The following PRKG1 variants were observed in gnomAD, a reference collection of about 807,000 sequenced individuals.
The protein encoded by PRKG1 is protein kinase cGMP-dependent 1.
Under a neutral mutation model 88.1 loss-of-function variants are expected in PRKG1, and 35 were observed. The ratio of observed to expected loss-of-function variants is 0.40; its 90% CI spans 0.30 to 0.53. The LOEUF is 0.53. PRKG1 is among the 20% of genes least tolerant of loss of function. The probability of loss-of-function intolerance (pLI) is 0.59; values close to 1 mark genes in which losing one functional copy is unlikely to be tolerated. For synonymous variants in PRKG1, 303 were observed against 292.5 expected, an observed-to-expected ratio of 1.04 and a Z score of -0.37; for missense variants, 540 against 839.8, an observed-to-expected ratio of 0.64 and a Z score of 4.41.
rs867882746 is a variant in PRKG1, at chr10:51,126,124, T to A, written c.312-27040T>A. On this transcript the variant is annotated intron_variant, in intron 1 of 17. Transcript: ENST00000373980. ...TACTATATATAATTATATAATTATA[T>A]TTAATTTTATAATTATATATATTAT... Among the ~76,000 whole-genome samples, 169 of 120,150 alleles carry A rather than the reference T, an allele frequency of 1.4e-3. 1 individual carries two copies. Among genetic ancestry groups the A allele is most frequent in the African/African-American group, 5.5e-3 (162 of 29,672 alleles). The allele number at this position is 120,150 out of a possible 152,430, so 78.8% of individuals were successfully genotyped here.
intron 9 of PRKG1, among the ~76,000 whole-genome samples, chr10:52,216,100 A>C (rs533926880): frequency 6.6e-6 from 1 of 152,246 alleles, no homozygotes; most frequent in East Asian, 1.9e-4. Context: ...GAGAGCTAGC[A>C]GACTTGGGAG....
At position 52,257,573 on chromosome 10, in the gene PRKG1, A is replaced by G. The variant is rs1294532021; in HGVS notation, c.1173+5907A>G. ...CACGGTGATTTATGCTACATCGGAC[A>G]CCTGGGGAAACCCTGCTGCCCTAAG... On this transcript the variant is annotated intron_variant, in intron 10 of 17. Transcript: ENST00000373980. 1.4e-5 allele frequency among the ~76,000 whole-genome samples: 2 copies of G among 139,540 alleles called. 1 individual carries two copies. The highest frequency in any genetic ancestry group is 5.0e-5 in the African/African-American group (2 of 40,334). 91.5% of individuals were successfully genotyped at this position (139,540 alleles called of 152,430 possible).
At chr10:51,896,110 C>G (rs1235422629) in intron 4 of PRKG1, among the ~76,000 whole-genome samples, 2 of 152,072 alleles carry the variant, frequency 1.3e-5, no homozygotes, top group East Asian at 3.9e-4. Context: ...AAAAGAAAGG[C>G]TGGTACTCCA....
chr10:51,065,850 ATTAGGG>A (rs1211298530), intron 1 of PRKG1, among the ~76,000 whole-genome samples: 1 of 152,138 alleles, frequency 6.6e-6, no homozygotes, highest in East Asian at 1.9e-4. Context: ...TTATGCAAAT[ATTAGGG>A]TTAGTGTTAG....
At position 51,443,360 on chromosome 10, in the gene PRKG1, C is replaced by T. The variant is rs1186469355; in HGVS notation, c.479-24363C>T. Among the ~76,000 whole-genome samples the T allele has an allele frequency of 1.3e-4, 20 of 152,074 alleles. No individual in the cohort carries two copies. In the South Asian group the frequency reaches 3.9e-3, roughly 30 times the overall value. On this transcript the variant is annotated intron_variant, in intron 2 of 17. Transcript: ENST00000373980. ...GGCCTGCAAAACTTTAAAATATTTACTCTCTGGCCCTTTACAGAAAAGATT... is the reference window on the plus strand; with the variant it reads ...GGCCTGCAAAACTTTAAAATATTTATTCTCTGGCCCTTTACAGAAAAGATT...
At chr10:51,194,744 G>T (rs1036009133) in intron 2 of PRKG1, among the ~76,000 whole-genome samples, 3 of 152,090 alleles carry the variant, frequency 2.0e-5, no homozygotes, top group African/African-American at 7.2e-5. Context: ...TTGACTCACG[G>T]TTCTAGAGGC....
chr10:51,602,770 GTGTGTGTGTGTA>G (rs1226746908), intron 3 of PRKG1, among the ~76,000 whole-genome samples: 8 of 122,244 alleles, frequency 6.5e-5, no homozygotes, highest in South Asian at 2.3e-4. Context: ...GTGTGTGTGT[GTGTGTGTGTGTA>G]TATATTCATA....
chr10:51,505,072 A>T (rs969338124), intron 3 of PRKG1, among the ~76,000 whole-genome samples: 5 of 152,140 alleles, frequency 3.3e-5, no homozygotes, highest in Non-Finnish European at 5.9e-5. Context: ...GAATGCTTCC[A>T]GTTTTTGCCC....
chr10:51,337,871 G>A (rs1043107109), intron 2 of PRKG1, among the ~76,000 whole-genome samples: 1 of 152,094 alleles, frequency 6.6e-6, no homozygotes, highest in Non-Finnish European at 1.5e-5. Flanking sequence ...ACCAGAAATA[G>A]CATTTGACCC....
chr10:51,899,346 A>G (rs1196069107), intron 4 of PRKG1, among the ~76,000 whole-genome samples: 2 of 152,074 alleles, frequency 1.3e-5, no homozygotes, highest in Middle Eastern at 3.2e-3. Flanking sequence ...TTTAATTAAA[A>G]TAACCATATT....
At chr10:52,034,887 C>T (rs546309951) in intron 5 of PRKG1, among the ~76,000 whole-genome samples, 26 of 152,244 alleles carry the variant, frequency 1.7e-4, no homozygotes, top group African/African-American at 5.3e-4. Flanking sequence ...TGCAGCATTC[C>T]GAGGACAGGC....
rs116144815 is a variant in PRKG1, at chr10:51,548,701, G to A, written c.592+80865G>A. On this transcript the variant is annotated intron_variant, in intron 3 of 17. Coordinates refer to ENST00000373980, the MANE Select transcript of PRKG1 (RefSeq NM_006258.4). ...TGTGTTCTCTTTTATATTTATGGAG[G>A]CATTTGAGTTATCAACTTTAGTTTT... Among the ~76,000 whole-genome samples, 651 of 152,102 alleles carry A rather than the reference G, an allele frequency of 4.3e-3. 6 individuals are homozygous for A. The highest frequency in any genetic ancestry group is 0.015 in the African/African-American group (615 of 41,514).
chr10:51,003,315 C>A (rs1176351017), intron 1 of PRKG1, among the ~76,000 whole-genome samples: 1 of 152,140 alleles, frequency 6.6e-6, no homozygotes, highest in Non-Finnish European at 1.5e-5. Flanking sequence ...GACAAATTCC[C>A]GAAGTATAGC....
intron 5 of PRKG1, among the ~76,000 whole-genome samples, chr10:52,007,709 C>T (rs1589511019): frequency 6.6e-6 from 1 of 152,144 alleles, no homozygotes; most frequent in Admixed American, 6.5e-5. Context: ...CAGTATTAAA[C>T]ATATCATGGA....
chr10:51,574,494 T>C (rs142519830), intron 3 of PRKG1, among the ~76,000 whole-genome samples: 193 of 152,052 alleles, frequency 1.3e-3, no homozygotes, highest in African/African-American at 4.2e-3. Flanking sequence ...ATAACGCTGT[T>C]AAGCAGGCAA....
intron 5 of PRKG1, among the ~76,000 whole-genome samples, chr10:52,022,975 A>T (rs1449342818): frequency 6.6e-6 from 1 of 152,042 alleles, no homozygotes; most frequent in Non-Finnish European, 1.5e-5. Flanking sequence ...ATGCAGGTTT[A>T]TTACATAGGT....
Position 51,301,483 on chromosome 10 carries a change from A to C in PRKG1, c.478+148153A>C, listed in dbSNP as rs73333777. On this transcript the variant is annotated intron_variant, in intron 2 of 17. Transcript: ENST00000373980. ...ACCCTCTGAGGAATATCAATTTTTA[A>C]ACATTACAGCCTTGAGTGAGCCACT... Among the ~76,000 whole-genome samples, 613 of 152,324 alleles carry C rather than the reference A, an allele frequency of 4.0e-3. 8 individuals are homozygous for C. The highest frequency in any genetic ancestry group is 0.013 in the African/African-American group (555 of 41,578).
chr10:52,290,146 C>T, intron 16 of PRKG1, 78 bp from the exon 17 acceptor site: 1 of 1,218,298 alleles, frequency 8.2e-7, no homozygotes, highest in African/African-American at 1.5e-5. Context: ...TCCCATTAGC[C>T]ATGGACATTG....
At chr10:52,166,798 C>CACAT (rs1838461605) in intron 9 of PRKG1, among the ~76,000 whole-genome samples, 5 of 96,772 alleles carry the variant, frequency 5.2e-5, no homozygotes, top group African/African-American at 2.8e-4. Flanking sequence ...TATATATATA[C>CACAT]ATATATATAT....
Sources: allele counts gnomAD v4.1 joint callset (sites outside exome capture counted in the v4.1 genomes callset), GRCh38; gene constraint gnomAD v4.1.1; transcripts MANE v1.5; gene names NCBI Gene and HGNC (gene_info 2026-07-23, HGNC 2026-07-21).